SETBP1: variants seen among roughly 807,000 people sequenced by gnomAD.
SETBP1 encodes the protein SET binding protein 1.
Under a neutral mutation model 101.0 loss-of-function variants are expected in SETBP1, and 9 were observed. The ratio of observed to expected loss-of-function variants is 0.09; its 90% CI spans 0.05 to 0.16. SETBP1 has a LOEUF of 0.16. Among genes scored for constraint, SETBP1 ranks in the 10% least tolerant of loss-of-function variants. The pLI, the probability that SETBP1 is intolerant of heterozygous loss-of-function variation, is 1.00. For synonymous variants in SETBP1, 818 were observed against 788.5 expected (o/e 1.04, Z -0.63); for missense variants, 1,858 against 2,033.8 (o/e 0.91, Z 1.66).
chr18:44,931,207 A>G (rs989581937), intron 3 of SETBP1, among the ~76,000 whole-genome samples: 20 of 152,328 alleles, frequency 1.3e-4, no homozygotes, highest in East Asian at 1.2e-3. Flanking sequence ...CCCAGTAGTC[A>G]TTCAGGAGCA....
At chr18:45,047,782 A>G (rs1431102056) in intron 5 of SETBP1, among the ~76,000 whole-genome samples, 1 of 152,170 alleles carries the variant, frequency 6.6e-6, no homozygotes, top group Non-Finnish European at 1.5e-5. Flanking sequence ...GAGACAGAGA[A>G]GAGGCATGGA....
At chr18:44,832,962 C>G (rs191383600) in intron 2 of SETBP1, among the ~76,000 whole-genome samples, 61 of 152,330 alleles carry the variant, frequency 4.0e-4, no homozygotes, top group African/African-American at 1.4e-3. Context: ...ATAGTCTCAC[C>G]CTAGACCCAT....
chr18:44,850,441 G>A (rs936978830), intron 2 of SETBP1, among the ~76,000 whole-genome samples: 2 of 151,874 alleles, frequency 1.3e-5, no homozygotes, highest in Admixed American at 6.6e-5. Context: ...TGGGATCTCG[G>A]CTCACTACAA....
chr18:44,901,052 G>A (rs1195355647), intron 3 of SETBP1, among the ~76,000 whole-genome samples: 1 of 152,176 alleles, frequency 6.6e-6, no homozygotes, highest in African/African-American at 2.4e-5. Flanking sequence ...CTACACATGG[G>A]TCTTTAATAT....
At chr18:44,772,848 C>T (rs1056519534) in intron 2 of SETBP1, among the ~76,000 whole-genome samples, 5 of 152,172 alleles carry the variant, frequency 3.3e-5, no homozygotes, top group Admixed American at 1.3e-4. Context: ...TGTAGACCCT[C>T]AAAACATGTT....
chr18:44,935,928 T>C (rs2070946520), intron 3 of SETBP1, among the ~76,000 whole-genome samples: 1 of 152,242 alleles, frequency 6.6e-6, no homozygotes, highest in Non-Finnish European at 1.5e-5. Context: ...TGCCCCTTCA[T>C]TGTAAGATAC....
chr18:45,007,620 A>T (rs2072756411), intron 4 of SETBP1, among the ~76,000 whole-genome samples: 1 of 151,950 alleles, frequency 6.6e-6, no homozygotes, highest in South Asian at 2.1e-4. Flanking sequence ...ACAGCTGTGA[A>T]TTTTTTCCAT....
chr18:44,773,860 G>GTGTGTGTC (rs2070934213), intron 2 of SETBP1, among the ~76,000 whole-genome samples: 1 of 151,550 alleles, frequency 6.6e-6, no homozygotes, highest in Non-Finnish European at 1.5e-5. Flanking sequence ...GTGTGTGTGT[G>GTGTGTGTC]TGTGTGTGTG....
chr18:44,938,258 A>G (rs998282625), intron 3 of SETBP1, among the ~76,000 whole-genome samples: 13 of 152,184 alleles, frequency 8.5e-5, no homozygotes, highest in African/African-American at 3.1e-4. Context: ...GCGTCCTGAG[A>G]CGTCCCTGAA....
intron 2 of SETBP1, among the ~76,000 whole-genome samples, chr18:44,791,733 G>C (rs952001858): frequency 1.9e-4 from 29 of 152,260 alleles, no homozygotes; most frequent in African/African-American, 6.7e-4. Flanking sequence ...GAGAGAGAGA[G>C]AGAGAGAGCG....
At position 44,903,298 on chromosome 18, in the gene SETBP1, C is replaced by T. The variant is rs561179911; in HGVS notation, c.540+34015C>T. On this transcript the variant is annotated intron_variant, in intron 3 of 5. Transcript: ENST00000649279. Reference sequence around the variant, plus strand: ...GGGCAGTGCCTCTCCAACATGCATACACCTGCTGCCCACACAAGGAGTTCA... The same window carrying T: ...GGGCAGTGCCTCTCCAACATGCATATACCTGCTGCCCACACAAGGAGTTCA... Among the ~76,000 whole-genome samples, 4 of 152,324 alleles carry T rather than the reference C, an allele frequency of 2.6e-5. No individual in the cohort carries two copies. In the East Asian group the frequency reaches 5.8e-4, roughly 22 times the overall value.
intron 2 of SETBP1, among the ~76,000 whole-genome samples, chr18:44,863,632 G>T (rs1237174369): frequency 3.9e-5 from 6 of 152,214 alleles, no homozygotes; most frequent in African/African-American, 1.2e-4. Flanking sequence ...AAATAGAAAT[G>T]AGGGCAGATT....
intron 3 of SETBP1, among the ~76,000 whole-genome samples, chr18:44,895,120 G>GA (rs2144801136): frequency 7.4e-6 from 1 of 134,670 alleles, no homozygotes; most frequent in Admixed American, 7.7e-5. Context: ...TCTCAGAAAA[G>GA]AAAAAGCAAA....
chr18:44,994,154 T>C (rs929749791), intron 4 of SETBP1, among the ~76,000 whole-genome samples: 1 of 152,074 alleles, frequency 6.6e-6, no homozygotes, highest in Admixed American at 6.5e-5. Flanking sequence ...AAGAAAAGAC[T>C]TTCAACCTTA....
chr18:44,899,822 T>C (rs1050333816), intron 3 of SETBP1, among the ~76,000 whole-genome samples: 7 of 152,188 alleles, frequency 4.6e-5, no homozygotes, highest in Non-Finnish European at 1.0e-4. Context: ...CAAAAATATA[T>C]ATTAAATGCT....
chr18:44,713,224 T>C (rs1181334272), intron 2 of SETBP1, among the ~76,000 whole-genome samples: 2 of 152,066 alleles, frequency 1.3e-5, no homozygotes, highest in Non-Finnish European at 2.9e-5. Context: ...CCCAAAGTGC[T>C]GGGATTACAT....
chr18:44,976,102 AC>A (rs2145214315), intron 4 of SETBP1, among the ~76,000 whole-genome samples: 1 of 151,778 alleles, frequency 6.6e-6, no homozygotes, highest in African/African-American at 2.4e-5. Flanking sequence ...ACACACACAC[AC>A]ACACACACAC....
chr18:44,732,922 C>T (rs376469318), intron 2 of SETBP1: 42 of 152,252 alleles, frequency 2.8e-4, no homozygotes, highest in African/African-American at 9.6e-4. Context: ...ACCGGCAGCT[C>T]GCACCTTTCA....
At chr18:44,986,442 T>C (rs2072235565) in intron 4 of SETBP1, 1 of 152,164 alleles carries the variant, frequency 6.6e-6, no homozygotes, top group Non-Finnish European at 1.5e-5. Flanking sequence ...ACACTAAATG[T>C]ATAAAAAAAT....
Sources: allele counts gnomAD v4.1 joint callset (sites outside exome capture counted in the v4.1 genomes callset), GRCh38; gene constraint gnomAD v4.1.1; transcripts MANE v1.5; gene names NCBI Gene and HGNC (gene_info 2026-07-23, HGNC 2026-07-21).